SLC25A27: variants seen among roughly 807,000 people sequenced by gnomAD.
SLC25A27 encodes mitochondrial uncoupling protein 4.
A neutral mutation model predicts 49.1 loss-of-function variants in SLC25A27; 35 were observed. That is an observed-to-expected ratio of 0.71 (90% CI 0.54 to 0.95). The LOEUF (loss-of-function observed/expected upper bound fraction) is 0.95, where lower values mean the gene tolerates loss of function less well. Ranked by LOEUF, SLC25A27 falls within the 40% of genes least tolerant of loss-of-function variation. SLC25A27 has a pLI of 0.00. For synonymous variants in SLC25A27, 144 were observed against 136.9 expected (o/e 1.05, Z -0.36); for missense variants, 339 against 397.1 (o/e 0.85, Z 1.24).
chr6:46,675,480 T>G (rs1315971269), intron 8 of SLC25A27, among the ~76,000 whole-genome samples: 1 of 152,162 alleles, frequency 6.6e-6, no homozygotes, highest in Non-Finnish European at 1.5e-5. Flanking sequence ...GAATTCTCAG[T>G]TTACTAATAT....
In SLC25A27 at chr6:46,663,826, T is replaced by C. The variant is rs546472062; in HGVS notation, c.507-948T>C. ...TTACCATATTTTAGCTTTGTAATCA[T>C]AGTCAAGTTCCTTACCCATTTTAAG... On this transcript the variant is annotated intron_variant, in intron 4 of 8. Coordinates refer to ENST00000371347, the MANE Select transcript of SLC25A27 (RefSeq NM_004277.5). 2.0e-5 allele frequency among the ~76,000 whole-genome samples: 3 copies of C among 152,338 alleles called. No individual in the cohort carries two copies. In the South Asian group the frequency reaches 6.2e-4, roughly 32 times the overall value.
At position 46,655,833 on chromosome 6, in the gene SLC25A27, T is replaced by A. The variant is rs1762959607; in HGVS notation, c.107-10T>A. ...TTGTGGGTTTTTCCCTGCATTTGTG[T>A]TTTTGTTAGCAACCTTTCCCCTGGA... On this transcript the variant is annotated splice_polypyrimidine_tract_variant and intron_variant, in intron 1 of 8. Coordinates refer to ENST00000371347, the MANE Select transcript of SLC25A27 (RefSeq NM_004277.5). 6.2e-7 allele frequency: 1 copy of A among 1,609,638 alleles called. No homozygotes were observed. Among genetic ancestry groups the A allele is most frequent in the Non-Finnish European group, 8.5e-7 (1 of 1,178,614 alleles).
Position 46,653,077 on chromosome 6 carries a change from C to T in SLC25A27, c.-116C>T, listed in dbSNP as rs1762808305. 1 of 966,438 alleles carries T rather than the reference C, an allele frequency of 1.0e-6. No homozygotes were observed. The allele number at this position is 966,438 out of a possible 1,614,324, so 59.9% of individuals were successfully genotyped here. A position where few individuals can be genotyped will look rare whatever the true frequency, so the allele number is the denominator to read the frequency against. On this transcript the variant is annotated 5_prime_UTR_variant, in exon 1 of 9. Coordinates refer to ENST00000371347, the MANE Select transcript of SLC25A27 (RefSeq NM_004277.5). ...GGCCGAGCCGAACGAGGGAAATGGT[C>T]CTCACCCGGCCACTCGCCGGTTGAA...
chr6:46,676,333 A>C (rs1763786602), intron 8 of SLC25A27, 50 bp from the exon 9 acceptor site: 1 of 1,551,030 alleles, frequency 6.4e-7, no homozygotes, highest in African/African-American at 1.4e-5. Flanking sequence ...TATGTAGACT[A>C]TTTATAATTG....
chr6:46,655,073 C>G (rs1057133582), intron 1 of SLC25A27, among the ~76,000 whole-genome samples: 5 of 152,084 alleles, frequency 3.3e-5, no homozygotes, highest in African/African-American at 1.2e-4. Flanking sequence ...AAACTTAAAA[C>G]CAAAAAATTT....
chr6:46,664,539 T>C (rs1414438049), intron 4 of SLC25A27, among the ~76,000 whole-genome samples: 1 of 152,248 alleles, frequency 6.6e-6, no homozygotes. Context: ...TGATACAGTG[T>C]ATAAAGATTT....
chr6:46,656,011 C>T lies in SLC25A27; in HGVS notation c.275C>T (p.Thr92Ile), dbSNP rs1403453327. 1.2e-6 allele frequency: 2 copies of T among 1,610,684 alleles called. No individual in the cohort carries two copies. The highest frequency in any genetic ancestry group is 1.7e-6 in the Non-Finnish European group (2 of 1,178,894). The change falls in exon 2 of 9, where the codon ACA becomes ATA. Residue 92 changes from threonine to isoleucine, a missense_variant. Thr to Ile is a moderately conservative substitution (Grantham distance 89). Transcript: ENST00000371347. Reference sequence around the variant, plus strand: ...TTTCTAAAGCTTTGGCAAGGAGTGACACCCGCCATTTACAGACACGTAGGT... The same window carrying T: ...TTTCTAAAGCTTTGGCAAGGAGTGATACCCGCCATTTACAGACACGTAGGT... Reference protein sequence around the residue: ...EGFLKLWQGVTPAIYRHVVYS... With the variant: ...EGFLKLWQGVIPAIYRHVVYS...
intron 7 of SLC25A27, chr6:46,670,476 A>C: frequency 2.4e-6 from 1 of 410,904 alleles, no homozygotes; most frequent in Non-Finnish European, 4.3e-6. Context: ...TTTTTAAAGA[A>C]TTGTTAAAAG....
At position 46,668,816 on chromosome 6, in the gene SLC25A27, T is replaced by G. The variant is rs115479788; in HGVS notation, c.704+23T>G. ...AAGGTAAGGATTGTTTTAGTTGGAC[T>G]CTGTTTTTTTTTTTTGTATCACTTT... On this transcript the variant is annotated intron_variant, in intron 6 of 8. Transcript: ENST00000371347. 426 of 1,370,950 alleles carry G rather than the reference T, an allele frequency of 3.1e-4. 1 individual carries two copies. In the African/African-American group the frequency reaches 5.2e-3, roughly 17 times the overall value. 84.9% of individuals were successfully genotyped at this position (1,370,950 alleles called of 1,614,324 possible). A position where few individuals can be genotyped will look rare whatever the true frequency, so the allele number is the denominator to read the frequency against.
chr6:46,666,169 A>G (rs898833651), intron 5 of SLC25A27, among the ~76,000 whole-genome samples: 53 of 152,248 alleles, frequency 3.5e-4, no homozygotes, highest in African/African-American at 1.2e-3. Flanking sequence ...TTCTTCACCA[A>G]TATATTTTTC....
Position 46,676,947 on chromosome 6 carries a change from C to T in SLC25A27, c.*493C>T. On this transcript the variant is annotated 3_prime_UTR_variant, in exon 9 of 9. Transcript: ENST00000371347. ...ACTTTTCTGTCATTGTTAAAGCGTA[C>T]ATACTGTAAATTAAAGGGAGGTGAA... 2.5e-6 allele frequency: 1 copy of T among 398,934 alleles called. No homozygotes were observed. Among genetic ancestry groups the T allele is most frequent in the South Asian group, 7.7e-5 (1 of 12,994 alleles). The allele number at this position is 398,934 out of a possible 1,614,324, so 24.7% of individuals were successfully genotyped here.
At chr6:46,660,924 G>T (rs2150638386) in intron 3 of SLC25A27, among the ~76,000 whole-genome samples, 1 of 152,304 alleles carries the variant, frequency 6.6e-6, no homozygotes, top group African/African-American at 2.4e-5. Flanking sequence ...TATTATACCA[G>T]AACTTTTAGG....
intron 7 of SLC25A27, 134 bp from the exon 8 acceptor site, chr6:46,670,992 A>C (rs891068991): frequency 1.9e-5 from 11 of 572,926 alleles, no homozygotes; most frequent in African/African-American, 8.1e-5. Flanking sequence ...GGCCTCCCAA[A>C]GTGCTGGGAT....
chr6:46,655,533 TTG>T lies in SLC25A27; in HGVS notation c.107-308_107-307del, dbSNP rs1400411000. The stretch of plus-strand genomic sequence containing the variant: ...TCATTTTAATTTTTATTGTTAATGT[TTG>T]TTTTTTTTTTTTTTTTTTTTTTTTT... On this transcript the variant is annotated intron_variant, in intron 1 of 8. Coordinates refer to ENST00000371347, the MANE Select transcript of SLC25A27 (RefSeq NM_004277.5). Among the ~76,000 whole-genome samples the T allele has an allele frequency of 3.9e-3, 83 of 21,098 alleles. 4 individuals carry two copies. Among genetic ancestry groups the T allele is most frequent in the East Asian group, 9.0e-3 (4 of 444 alleles). The allele number at this position is 21,098 out of a possible 152,430, so 13.8% of individuals were successfully genotyped here. A position where few individuals can be genotyped will look rare whatever the true frequency, so the allele number is the denominator to read the frequency against.
At chr6:46,664,692 G>A (rs1024550362) in intron 4 of SLC25A27, 82 bp from the exon 5 acceptor site, 1 of 585,518 alleles carries the variant, frequency 1.7e-6, no homozygotes, top group African/African-American at 1.9e-5. Flanking sequence ...CAGATTATAA[G>A]AGCTATAAGT....
rs1024181965 is a variant in SLC25A27, at chr6:46,670,140, G to C, written c.710G>C (p.Cys237Ser). 16 of 1,607,878 alleles carry C rather than the reference G, an allele frequency of 1.0e-5. No individual in the cohort carries two copies. The highest frequency in any genetic ancestry group is 1.4e-5 in the Non-Finnish European group (16 of 1,175,652). ...TCATTTATTTGTATTTATAGTTTATGTTCTGGACTGGTAGCTTCTATTCTG... is the reference window on the plus strand; with the variant it reads ...TCATTTATTTGTATTTATAGTTTATCTTCTGGACTGGTAGCTTCTATTCTG... The part of the protein sequence containing the change: ...NIMTHGLSSL[C>S]SGLVASILGT... The change falls in exon 7 of 9, where the codon TGT becomes TCT. Residue 237 changes from cysteine to serine, a missense_variant. Transcript: ENST00000371347.
chr6:46,662,686 A>G (rs1191950025), intron 4 of SLC25A27, among the ~76,000 whole-genome samples, 188 bp downstream of exon 4: 1 of 152,200 alleles, frequency 6.6e-6, no homozygotes, highest in Admixed American at 6.5e-5. Context: ...TACATGTTCT[A>G]TACCAGACAA....
intron 1 of SLC25A27, among the ~76,000 whole-genome samples, chr6:46,654,976 T>A (rs531132540): frequency 1.2e-4 from 19 of 152,322 alleles, no homozygotes; most frequent in African/African-American, 4.1e-4. Context: ...ATTCAGGACG[T>A]TTTCTGTATA....
chr6:46,676,948 A>C lies in SLC25A27; in HGVS notation c.*494A>C, dbSNP rs1224319077. On this transcript the variant is annotated 3_prime_UTR_variant, in exon 9 of 9. Transcript: ENST00000371347. Reference sequence around the variant, plus strand: ...CTTTTCTGTCATTGTTAAAGCGTACATACTGTAAATTAAAGGGAGGTGAAT... The same window carrying C: ...CTTTTCTGTCATTGTTAAAGCGTACCTACTGTAAATTAAAGGGAGGTGAAT... 5.0e-6 allele frequency: 2 copies of C among 396,504 alleles called. No homozygotes were observed. Among genetic ancestry groups the C allele is most frequent in the Non-Finnish European group, 9.0e-6 (2 of 223,386 alleles). The allele number at this position is 396,504 out of a possible 1,614,324, so 24.6% of individuals were successfully genotyped here. A position where few individuals can be genotyped will look rare whatever the true frequency, so the allele number is the denominator to read the frequency against.
Sources: allele counts gnomAD v4.1 joint callset (sites outside exome capture counted in the v4.1 genomes callset), GRCh38; gene constraint gnomAD v4.1.1; transcripts MANE v1.5; gene names NCBI Gene and HGNC (gene_info 2026-07-23, HGNC 2026-07-21).